Variants in AP2S1 observed in about 807,000 individuals in gnomAD.
AP2S1 encodes adaptor related protein complex 2 subunit sigma 1, also known as AP-2 complex subunit sigma.
Under a neutral mutation model 21.0 loss-of-function variants are expected in AP2S1, and 6 were observed. That is an observed-to-expected ratio of 0.29 (90% CI 0.16 to 0.56). AP2S1 has a LOEUF of 0.56. Among genes scored for constraint, AP2S1 ranks in the 20% least tolerant of loss-of-function variants. The pLI is 0.92. For missense variants in AP2S1, 60 were observed against 186.2 expected (o/e 0.32, Z 3.95); for synonymous variants, 63 against 74.6 (o/e 0.84, Z 0.80).
At chr19:46,845,906 G>T in intron 2 of AP2S1, 87 bp downstream of exon 2, 1 of 1,565,372 alleles carries the variant, frequency 6.4e-7, no homozygotes. Context: ...GGGTCCAAGG[G>T]GTTCTTGCAA....
chr19:46,838,205 C>T lies in AP2S1; in HGVS notation c.*242G>A, dbSNP rs1438054531. On this transcript the variant is annotated 3_prime_UTR_variant, in exon 5 of 5. Coordinates refer to ENST00000263270, the MANE Select transcript of AP2S1 (RefSeq NM_004069.6). The surrounding 1 kb of genome is among the most constrained non-coding windows in gnomAD (Gnocchi z 4.1). ...ACAGGTTTATTGGGGACTCCACGCACAGACGCTTATGGCATCACACGACAA... is the reference window on the plus strand; with the variant it reads ...ACAGGTTTATTGGGGACTCCACGCATAGACGCTTATGGCATCACACGACAA... 1 of 560,074 alleles carries T rather than the reference C, an allele frequency of 1.8e-6. No homozygotes were observed. The highest frequency in any genetic ancestry group is 3.2e-6 in the Non-Finnish European group (1 of 310,636). The allele number at this position is 560,074 out of a possible 1,614,324, so 34.7% of individuals were successfully genotyped here.
At position 46,838,503 on chromosome 19, in the gene AP2S1, C is replaced by T; in HGVS notation, c.373G>A (p.Glu125Lys). 1 of 1,614,180 alleles carries T rather than the reference C, an allele frequency of 6.2e-7. No individual in the cohort carries two copies. Among genetic ancestry groups the T allele is most frequent in the Non-Finnish European group, 8.5e-7 (1 of 1,180,040 alleles). Residue 125 changes from glutamate to lysine, a missense_variant, in exon 5 of 5, where the codon GAG becomes AAG. Coordinates refer to ENST00000263270, the MANE Select transcript of AP2S1 (RefSeq NM_004069.6). This position sits in a 1 kb window ranked among gnomAD's most constrained non-coding sequence, Gnocchi z 4.1. ...TTCAGCACCTTCGTCTGGCTGGTCT[C>T]TCGGATTTCGCCAGCCAGGAACATC... Reference protein sequence around the residue: ...DEMFLAGEIRETSQTKVLKQL... With the variant: ...DEMFLAGEIRKTSQTKVLKQL...
At chr19:46,848,426 C>T (rs955940859) in intron 1 of AP2S1, among the ~76,000 whole-genome samples, 5 of 152,132 alleles carry the variant, frequency 3.3e-5, no homozygotes, top group African/African-American at 9.7e-5. Flanking sequence ...GTGACTGGCA[C>T]GTACTAAGTG....
At chr19:46,849,461 G>C (rs143926980) in intron 1 of AP2S1, among the ~76,000 whole-genome samples, 208 of 152,274 alleles carry the variant, frequency 1.4e-3, no homozygotes, top group African/African-American at 4.6e-3. Context: ...CAGGCAGGAA[G>C]GGACGTTGGG....
At chr19:46,842,707 G>A (rs2055545671) in intron 2 of AP2S1, among the ~76,000 whole-genome samples, 1 of 151,976 alleles carries the variant, frequency 6.6e-6, no homozygotes, top group Non-Finnish European at 1.5e-5. Flanking sequence ...CAGAACACCC[G>A]ACACCCAGTT....
At chr19:46,844,754 C>G (rs1016836505) in intron 2 of AP2S1, among the ~76,000 whole-genome samples, 1 of 152,026 alleles carries the variant, frequency 6.6e-6, no homozygotes, top group Admixed American at 6.6e-5. Flanking sequence ...GAGCCATGTT[C>G]GTGCCACTGC....
chr19:46,845,952 G>A lies in AP2S1; in HGVS notation c.153+41C>T, dbSNP rs757550495. 8.7e-6 allele frequency: 14 copies of A among 1,611,794 alleles called. 1 individual carries two copies. In the Admixed American group the frequency reaches 1.0e-4, roughly 12 times the overall value. ...GGCAGGGAGTGGCGAAGTAGGGCAC[G>A]AGGAAGCAGCGGGGTGCAGGAGGCA... On this transcript the variant is annotated intron_variant, in intron 2 of 4. Coordinates refer to ENST00000263270, the MANE Select transcript of AP2S1 (RefSeq NM_004069.6).
At chr19:46,849,901 C>T (rs2055707848) in intron 1 of AP2S1, among the ~76,000 whole-genome samples, 2 of 152,196 alleles carry the variant, frequency 1.3e-5, no homozygotes, top group Admixed American at 1.3e-4. Context: ...CCCGCTCTGA[C>T]ACTCTTTCTC....
chr19:46,838,558 G>A lies in AP2S1; in HGVS notation c.328-10C>T, dbSNP rs1463007928. On this transcript the variant is annotated splice_polypyrimidine_tract_variant and intron_variant, in intron 4 of 4. Transcript: ENST00000263270. The surrounding 1 kb of genome is among the most constrained non-coding windows in gnomAD (Gnocchi z 4.1). Reference sequence around the variant, plus strand: ...CCACGACCGTGTAAACCTGTGTGAGGGGAGACCCTGGGGTGAGACGAGGCC... The same window carrying A: ...CCACGACCGTGTAAACCTGTGTGAGAGGAGACCCTGGGGTGAGACGAGGCC... 6.2e-7 allele frequency: 1 copy of A among 1,614,102 alleles called. No individual in the cohort carries two copies. The highest frequency in any genetic ancestry group is 1.7e-5 in the Admixed American group (1 of 60,024).
chr19:46,849,440 G>C (rs2055696416), intron 1 of AP2S1, among the ~76,000 whole-genome samples: 2 of 152,034 alleles, frequency 1.3e-5, no homozygotes, highest in African/African-American at 4.8e-5. Flanking sequence ...TTCCTAGCAG[G>C]GCAGGGGTCC....
At chr19:46,845,873 G>A (rs778020371) in intron 2 of AP2S1, 120 bp downstream of exon 2, 134 of 1,321,284 alleles carry the variant, frequency 1.0e-4, no homozygotes, top group Non-Finnish European at 1.3e-4. Context: ...AGCAGGTTGA[G>A]TGAATGATAT....
At chr19:46,842,459 C>T (rs910500964) in intron 2 of AP2S1, among the ~76,000 whole-genome samples, 23 of 152,306 alleles carry the variant, frequency 1.5e-4, no homozygotes, top group African/African-American at 5.1e-4. Flanking sequence ...ACAGAGGAGG[C>T]ACACAGAAAC....
intron 2 of AP2S1, among the ~76,000 whole-genome samples, chr19:46,840,638 C>CA (rs1195952382): frequency 3.3e-5 from 5 of 151,116 alleles, no homozygotes; most frequent in East Asian, 2.0e-4. Context: ...TCAAAAAACA[C>CA]AAAAAAACAG....
intron 2 of AP2S1, chr19:46,845,760 C>T (rs569761194): frequency 2.0e-5 from 10 of 489,236 alleles, no homozygotes; most frequent in African/African-American, 3.8e-5. Flanking sequence ...AGTAGGTATA[C>T]GAATCTCCAA....
chr19:46,844,135 C>G (rs750092573), intron 2 of AP2S1, among the ~76,000 whole-genome samples: 14 of 151,826 alleles, frequency 9.2e-5, no homozygotes, highest in Non-Finnish European at 1.8e-4. Flanking sequence ...GGTCTCCTGA[C>G]CTTGTGATCC....
chr19:46,843,651 A>G (rs913075553), intron 2 of AP2S1, among the ~76,000 whole-genome samples: 11 of 152,254 alleles, frequency 7.2e-5, no homozygotes, highest in African/African-American at 2.6e-4. Context: ...TGACCCCGAG[A>G]GGCAGAGGTT....
At chr19:46,845,726 T>C (rs2055620004) in intron 2 of AP2S1, 2 of 348,982 alleles carry the variant, frequency 5.7e-6, no homozygotes, top group South Asian at 1.6e-4. Flanking sequence ...AAAGGCAAAA[T>C]ATTAATACTG....
chr19:46,849,010 C>CT (rs59512372), intron 1 of AP2S1, among the ~76,000 whole-genome samples: 42 of 56,154 alleles, frequency 7.5e-4, no homozygotes, highest in Non-Finnish European at 1.0e-3. Context: ...TGTGCCCAGC[C>CT]TTTTTTTTTT....
intron 2 of AP2S1, among the ~76,000 whole-genome samples, chr19:46,841,918 G>A (rs2055529477): frequency 6.6e-6 from 1 of 152,226 alleles, no homozygotes; most frequent in South Asian, 2.1e-4. Context: ...ACGGCCAGGT[G>A]CCGGGCCTCA....
Sources: allele counts gnomAD v4.1 joint callset (sites outside exome capture counted in the v4.1 genomes callset), GRCh38; gene constraint gnomAD v4.1.1; non-coding constraint Gnocchi (gnomAD v3.1); transcripts MANE v1.5; gene names NCBI Gene and HGNC (gene_info 2026-07-23, HGNC 2026-07-21).